Variants in TRIM37 observed in about 807,000 individuals in gnomAD.
TRIM37 encodes E3 ubiquitin-protein ligase TRIM37.
In TRIM37, 80 loss-of-function variants were observed where a neutral mutation model predicts 129.8. The observed-to-expected ratio is 0.62, with a 90% CI of 0.51 to 0.74. TRIM37 has a LOEUF of 0.74. Among genes scored for constraint, TRIM37 ranks in the 30% least tolerant of loss-of-function variants. The probability of loss-of-function intolerance (pLI) is 0.00; values close to 1 mark genes in which losing one functional copy is unlikely to be tolerated. For missense variants in TRIM37, 1,054 were observed against 1,176.5 expected (o/e 0.90, Z 1.52); for synonymous variants, 389 against 387.1 (o/e 1.00, Z -0.06).
downstream of TRIM37, among the ~76,000 whole-genome samples, chr17:58,993,342 C>T (rs1230551221): frequency 2.6e-5 from 4 of 152,166 alleles, no homozygotes; most frequent in Non-Finnish European, 5.9e-5. Flanking sequence ...AGCTTACACT[C>T]ACACAAAAAT....
chr17:59,015,500 T>A, intron 21 of TRIM37, 110 bp downstream of exon 21: 1 of 1,164,484 alleles, frequency 8.6e-7, no homozygotes, highest in Non-Finnish European at 1.3e-6. Flanking sequence ...TTCTGTCCAC[T>A]AAAAAATTAA....
intron 2 of TRIM37, among the ~76,000 whole-genome samples, chr17:59,091,871 C>T (rs575952547): frequency 1.3e-5 from 2 of 151,186 alleles, no homozygotes; most frequent in Non-Finnish European, 2.9e-5. Flanking sequence ...TCACAGGGAA[C>T]GTCTATATAA....
chr17:59,016,753 T>C (rs928667915), intron 20 of TRIM37, among the ~76,000 whole-genome samples: 1 of 151,346 alleles, frequency 6.6e-6, no homozygotes, highest in Non-Finnish European at 1.5e-5. Flanking sequence ...ACTGCATCCC[T>C]AGCCTGGAAA....
At chr17:59,031,771 G>T in intron 18 of TRIM37, 125 bp downstream of exon 18, 1 of 931,766 alleles carries the variant, frequency 1.1e-6, no homozygotes, top group Admixed American at 2.7e-5. Flanking sequence ...TCATTTTTAT[G>T]GTATACAATG....
At chr17:59,083,109 A>G (rs1324927352) in intron 5 of TRIM37, among the ~76,000 whole-genome samples, 1 of 152,142 alleles carries the variant, frequency 6.6e-6, no homozygotes, top group African/African-American at 2.4e-5. Flanking sequence ...ATTTATGCCA[A>G]TTGTACTTAT....
chr17:59,102,877 A>ATT (rs78784428), intron 2 of TRIM37, among the ~76,000 whole-genome samples: 1 of 147,528 alleles, frequency 6.8e-6, no homozygotes, highest in Non-Finnish European at 1.5e-5. Flanking sequence ...GGAAACAGAA[A>ATT]TTTTTTTTTT....
At chr17:59,091,524 G>C (rs1050209391) in intron 2 of TRIM37, among the ~76,000 whole-genome samples, 184 bp from the exon 3 acceptor site, 5 of 109,216 alleles carry the variant, frequency 4.6e-5, no homozygotes, top group Non-Finnish European at 7.1e-5. Context: ...TATATATAAT[G>C]TATAATGTAT....
downstream of TRIM37, among the ~76,000 whole-genome samples, chr17:58,978,953 AC>A (rs1359832748): frequency 2.0e-5 from 3 of 151,912 alleles, no homozygotes; most frequent in Non-Finnish European, 4.4e-5. Flanking sequence ...TACCCCAAGC[AC>A]CCTACTCTCC....
chr17:58,994,675 G>A (rs1598768958), downstream of TRIM37, among the ~76,000 whole-genome samples: 1 of 152,192 alleles, frequency 6.6e-6, no homozygotes, highest in Non-Finnish European at 1.5e-5. Flanking sequence ...GTGGACTTTG[G>A]TATCCACAGG....
chr17:58,992,676 G>A (rs952937196), intron 24 of TRIM37, among the ~76,000 whole-genome samples: 2 of 152,218 alleles, frequency 1.3e-5, no homozygotes, highest in East Asian at 1.9e-4. Context: ...CACTGTGCCC[G>A]GCAGGTGTCC....
At chr17:59,084,205 C>G in intron 4 of TRIM37, 116 bp from the exon 5 acceptor site, 1 of 816,070 alleles carries the variant, frequency 1.2e-6, no homozygotes, top group South Asian at 1.5e-5. Context: ...TCAAGAAACA[C>G]AGTATAAAAT....
chr17:59,037,557 CAAAAAAAAAAAAAAAAAAAAA>C (rs58856834), intron 17 of TRIM37, among the ~76,000 whole-genome samples: 16 of 74,022 alleles, frequency 2.2e-4, no homozygotes, highest in Admixed American at 3.6e-4. Flanking sequence ...GACTCTGTCT[CAAAAAAAAAAAAAAAAAAAAA>C]AAAAAAAAAA....
At chr17:59,040,012 C>T (rs1050545386) in intron 17 of TRIM37, among the ~76,000 whole-genome samples, 4 of 152,044 alleles carry the variant, frequency 2.6e-5, no homozygotes, top group Admixed American at 6.6e-5. Flanking sequence ...ATCCTCCCAC[C>T]TCAGCTTCCC....
chr17:59,011,031 G>A (rs1436089069), intron 22 of TRIM37, among the ~76,000 whole-genome samples: 1 of 151,954 alleles, frequency 6.6e-6, no homozygotes, highest in African/African-American at 2.4e-5. Flanking sequence ...TTAGCCAGGT[G>A]TGTTGGCAAG....
chr17:58,983,116 G>T, intron 24 of TRIM37: 1 of 555,908 alleles, frequency 1.8e-6, no homozygotes, highest in Non-Finnish European at 3.2e-6. Context: ...AAAATGGCTG[G>T]ATAGAACTGG....
rs759816934 is a variant in TRIM37 at position 59,106,511 on chromosome 17, T to C, written c.-50A>G. The C allele has an allele frequency of 6.2e-7, 1 of 1,611,622 alleles. No homozygotes were observed. Among genetic ancestry groups the C allele is most frequent in the Non-Finnish European group, 8.5e-7 (1 of 1,178,898 alleles). On this transcript the variant is annotated 5_prime_UTR_variant, in exon 1 of 24. Coordinates refer to ENST00000262294, the MANE Select transcript of TRIM37 (RefSeq NM_015294.6). ...CTGGCGACCCGCAGGCTCCGCAGTC[T>C]GACCTCTTAGGCGCCGGCCCGAGGT... is the stretch of plus-strand genomic sequence containing the variant.
chr17:59,026,366 G>C (rs1269803249), intron 19 of TRIM37, among the ~76,000 whole-genome samples: 1 of 152,098 alleles, frequency 6.6e-6, no homozygotes, highest in Admixed American at 6.6e-5. Flanking sequence ...TGTTTTCTTG[G>C]CTATGACACC....
intron 17 of TRIM37, among the ~76,000 whole-genome samples, chr17:59,033,999 C>T (rs1474375930): frequency 4.0e-5 from 6 of 151,198 alleles, no homozygotes; most frequent in East Asian, 2.0e-4. Flanking sequence ...CCCAGCTACT[C>T]GGGAGGCTGA....
At chr17:59,101,695 T>TATATAC (rs1405459768) in intron 2 of TRIM37, among the ~76,000 whole-genome samples, 21 of 89,664 alleles carry the variant, frequency 2.3e-4, no homozygotes, top group African/African-American at 7.8e-4. Context: ...TATATATATA[T>TATATAC]ACACACACAC....
Sources: allele counts gnomAD v4.1 joint callset (sites outside exome capture counted in the v4.1 genomes callset), GRCh38; gene constraint gnomAD v4.1.1; transcripts MANE v1.5; gene names NCBI Gene and HGNC (gene_info 2026-07-23, HGNC 2026-07-21).